LAMA2: variants seen among roughly 807,000 people sequenced by gnomAD.
The protein encoded by LAMA2 is laminin subunit alpha-2.
LAMA2 carries 269 observed loss-of-function variants against 364.8 expected under a neutral mutation model. The ratio of observed to expected loss-of-function variants is 0.74; its 90% CI spans 0.67 to 0.82. The LOEUF (loss-of-function observed/expected upper bound fraction) is 0.82, where lower values mean the gene tolerates loss of function less well. Among genes scored for constraint, LAMA2 ranks in the 40% least tolerant of loss-of-function variants. LAMA2 has a pLI of 0.00. For synonymous variants in LAMA2, 1,379 were observed against 1,370.6 expected (o/e 1.01, Z -0.14); for missense variants, 3,807 against 3,873.2 (o/e 0.98, Z 0.45).
At position 129,300,818 on chromosome 6, in the gene LAMA2, A is replaced by G. The variant is rs1203059579; in HGVS notation, c.3120A>G (p.Lys1040=). The change falls in exon 22 of 65, where the codon AAA becomes AAG. Residue 1040 remains lysine, a synonymous_variant. Coordinates refer to ENST00000421865, the MANE Select transcript of LAMA2 (RefSeq NM_000426.4). ...GCCCTCCCAATACCATTGGAGAGAAATGTTCTAAATGTGCACCCAATACCT... is the reference window on the plus strand; with the variant it reads ...GCCCTCCCAATACCATTGGAGAGAAGTGTTCTAAATGTGCACCCAATACCT... ...CICPPNTIGE[K]CSKCAPNTWG... is the part of the protein sequence containing the mutation. 15 of 1,613,768 alleles carry G rather than the reference A, an allele frequency of 9.3e-6. 1 individual carries two copies. The highest frequency in any genetic ancestry group is 1.3e-5 in the Non-Finnish European group (15 of 1,179,784).
chr6:128,954,974 G>A (rs1781053591), intron 1 of LAMA2, among the ~76,000 whole-genome samples: 1 of 148,604 alleles, frequency 6.7e-6, no homozygotes, highest in African/African-American at 2.5e-5. Context: ...ATAAGGCACA[G>A]GTGTGAGCAA....
At chr6:129,423,134 AT>A (rs528075450) in intron 40 of LAMA2, among the ~76,000 whole-genome samples, 4 of 151,446 alleles carry the variant, frequency 2.6e-5, no homozygotes, top group Non-Finnish European at 4.4e-5. Context: ...AAATGCGTCT[AT>A]TTTTTTTTAA....
intron 3 of LAMA2, among the ~76,000 whole-genome samples, chr6:129,097,972 G>T (rs1160817586): frequency 2.0e-5 from 3 of 152,112 alleles, no homozygotes; most frequent in Non-Finnish European, 4.4e-5. Context: ...TTAAAGCCAT[G>T]GTTGTCAAAA....
chr6:128,913,874 T>C (rs1778136461), intron 1 of LAMA2, among the ~76,000 whole-genome samples: 1 of 152,146 alleles, frequency 6.6e-6, no homozygotes, highest in Non-Finnish European at 1.5e-5. Flanking sequence ...TCTATATTTT[T>C]TACATTATAG....
At chr6:129,300,347 G>A (rs777609314) in intron 21 of LAMA2, among the ~76,000 whole-genome samples, 1 of 152,010 alleles carries the variant, frequency 6.6e-6, no homozygotes, top group South Asian at 2.1e-4. Context: ...AAACTAATCC[G>A]TACAGCATAA....
intron 1 of LAMA2, among the ~76,000 whole-genome samples, chr6:129,022,641 C>A (rs1278319268): frequency 6.6e-6 from 1 of 152,088 alleles, no homozygotes; most frequent in Non-Finnish European, 1.5e-5. Flanking sequence ...AAGGAGTGCC[C>A]AGATAAAATC....
intron 1 of LAMA2, 38 bp downstream of exon 1, chr6:128,883,395 C>T (rs772671509): frequency 3.9e-6 from 6 of 1,555,004 alleles, no homozygotes; most frequent in South Asian, 2.4e-5. Context: ...CATCCTTTGC[C>T]GGGACCGAGA....
intron 15 of LAMA2, among the ~76,000 whole-genome samples, chr6:129,266,732 A>G (rs1583376259): frequency 6.6e-6 from 1 of 152,120 alleles, no homozygotes; most frequent in African/African-American, 2.4e-5. Flanking sequence ...GGCTAAGACT[A>G]TATGATGAGT....
intron 1 of LAMA2, among the ~76,000 whole-genome samples, chr6:129,010,033 G>C (rs1045449377): frequency 3.9e-5 from 6 of 152,142 alleles, no homozygotes; most frequent in African/African-American, 1.4e-4. Context: ...TGCAGCACTT[G>C]TTTGCCAGCA....
chr6:128,922,443 T>G (rs1255552699), intron 1 of LAMA2, among the ~76,000 whole-genome samples: 1 of 151,648 alleles, frequency 6.6e-6, no homozygotes, highest in African/African-American at 2.4e-5. Context: ...TTGATTTGCA[T>G]TTCTCTGATG....
At chr6:129,246,112 C>T (rs1023160706) in intron 12 of LAMA2, among the ~76,000 whole-genome samples, 4 of 151,970 alleles carry the variant, frequency 2.6e-5, no homozygotes, top group Non-Finnish European at 5.9e-5. Flanking sequence ...TCATAAATAA[C>T]CAGAATCACT....
intron 1 of LAMA2, among the ~76,000 whole-genome samples, chr6:128,962,467 G>A (rs909564585): frequency 3.4e-4 from 52 of 152,040 alleles, no homozygotes; most frequent in African/African-American, 1.2e-3. Context: ...TAGCTTAAGA[G>A]GTTCTTTAAC....
At chr6:129,073,067 T>C (rs1418781299) in intron 3 of LAMA2, among the ~76,000 whole-genome samples, 1 of 152,128 alleles carries the variant, frequency 6.6e-6, no homozygotes, top group Non-Finnish European at 1.5e-5. Context: ...CTCTCATCTT[T>C]TGTTTGTTTT....
chr6:128,923,550 A>G (rs917711312), intron 1 of LAMA2, among the ~76,000 whole-genome samples: 6 of 152,156 alleles, frequency 3.9e-5, no homozygotes, highest in Non-Finnish European at 7.4e-5. Context: ...AAATATAACT[A>G]TATTAAAAGG....
intron 42 of LAMA2, among the ~76,000 whole-genome samples, chr6:129,439,394 C>A (rs1781990946): frequency 6.6e-6 from 1 of 151,836 alleles, no homozygotes; most frequent in Admixed American, 6.6e-5. Flanking sequence ...GTGTTTCAGC[C>A]CAAGAAATCG....
chr6:129,210,025 A>T (rs964266925), intron 12 of LAMA2, among the ~76,000 whole-genome samples: 10 of 146,240 alleles, frequency 6.8e-5, no homozygotes, highest in South Asian at 2.2e-4. Context: ...AAAAAAAAAA[A>T]TTTTTACTAT....
intron 4 of LAMA2, among the ~76,000 whole-genome samples, chr6:129,111,097 C>T (rs919639250): frequency 5.9e-5 from 9 of 152,004 alleles, no homozygotes; most frequent in African/African-American, 1.9e-4. Context: ...GTTATGATTA[C>T]ACTTTATAAG....
intron 1 of LAMA2, among the ~76,000 whole-genome samples, chr6:129,042,962 C>T (rs1787210095): frequency 6.6e-6 from 1 of 152,086 alleles, no homozygotes; most frequent in African/African-American, 2.4e-5. Flanking sequence ...ATGATAAAAA[C>T]TTCTATGAAC....
chr6:129,407,765 G>A (rs765158481), intron 40 of LAMA2, among the ~76,000 whole-genome samples: 9 of 152,168 alleles, frequency 5.9e-5, no homozygotes, highest in Non-Finnish European at 1.2e-4. Context: ...AGTCCTGTCT[G>A]GATTGGGTTG....
Sources: allele counts gnomAD v4.1 joint callset (sites outside exome capture counted in the v4.1 genomes callset), GRCh38; gene constraint gnomAD v4.1.1; transcripts MANE v1.5; gene names NCBI Gene and HGNC (gene_info 2026-07-23, HGNC 2026-07-21).